DCUN1D4: variants seen among roughly 807,000 people sequenced by gnomAD.
DCUN1D4 encodes the protein DCN1-like protein 4.
Under a neutral mutation model 47.9 loss-of-function variants are expected in DCUN1D4, and 22 were observed. That is an observed-to-expected ratio of 0.46 (90% CI 0.33 to 0.66). The LOEUF (loss-of-function observed/expected upper bound fraction) is 0.66. DCUN1D4 is among the 30% of genes least tolerant of loss of function. The pLI, the probability that DCUN1D4 is intolerant of heterozygous loss-of-function variation, is 0.02. For synonymous variants in DCUN1D4, 121 were observed against 112.2 expected (o/e 1.08, Z -0.50); for missense variants, 301 against 340.8 (o/e 0.88, Z 0.92).
chr4:51,896,595 TA>T (rs1001571270), intron 7 of DCUN1D4, among the ~76,000 whole-genome samples: 1 of 151,996 alleles, frequency 6.6e-6, no homozygotes, highest in African/African-American at 2.4e-5. Flanking sequence ...TACACACCAT[TA>T]AAAAAATCTA....
intron 1 of DCUN1D4, among the ~76,000 whole-genome samples, chr4:51,862,549 C>A (rs1304931180): frequency 2.0e-5 from 3 of 152,090 alleles, no homozygotes; most frequent in African/African-American, 7.2e-5. Flanking sequence ...TGGAGAGTTA[C>A]AATATCTTTT....
At chr4:51,884,446 C>T (rs1729152479) in intron 5 of DCUN1D4, 2 of 152,188 alleles carry the variant, frequency 1.3e-5, no homozygotes, top group South Asian at 4.1e-4. Context: ...ATGTGTCTAA[C>T]AAATGTTATG....
Position 51,891,303 on chromosome 4 carries a change from G to C in DCUN1D4, c.415-457G>C, listed in dbSNP as rs114282472. ...TATATGGAATGTATTCGGCAAAGAA[G>C]TATTTAACCAGTCCCTTATTAATGG... On this transcript the variant is annotated intron_variant, in intron 6 of 10. Transcript: ENST00000334635. 5.3e-3 allele frequency among the ~76,000 whole-genome samples: 806 copies of C among 152,342 alleles called. 1 individual carries two copies. The highest frequency in any genetic ancestry group is 8.4e-3 in the Non-Finnish European group (570 of 68,026).
At chr4:51,843,809 G>GT (rs1423611000) in intron 1 of DCUN1D4, 1 of 106,618 alleles carries the variant, frequency 9.4e-6, no homozygotes, top group Admixed American at 8.9e-5. Context: ...GGGGGTGGGG[G>GT]GGGGGCGGCG....
rs1734257483 is a variant in DCUN1D4, at chr4:51,915,634, G to T, written c.*2050G>T. 6.6e-6 allele frequency: 1 copy of T among 152,522 alleles called. No individual in the cohort carries two copies. The highest frequency in any genetic ancestry group is 2.4e-5 in the African/African-American group (1 of 41,432). The allele number at this position is 152,522 out of a possible 1,614,324, so 9.4% of individuals were successfully genotyped here. On this transcript the variant is annotated 3_prime_UTR_variant, in exon 11 of 11. Coordinates refer to ENST00000334635, the MANE Select transcript of DCUN1D4 (RefSeq NM_001040402.3). ...TACAGTTCTTTAAATCTGATCAACT[G>T]TAGCTTTATTTAAAGCAAATATAAA...
chr4:51,852,834 CACTCAGTTGGG>C (rs1402934090), intron 1 of DCUN1D4, among the ~76,000 whole-genome samples: 1 of 152,170 alleles, frequency 6.6e-6, no homozygotes, highest in Non-Finnish European at 1.5e-5. Flanking sequence ...TGTACAGGGT[CACTCAGTTGGG>C]ACTCAGTTGG....
intron 4 of DCUN1D4, chr4:51,874,612 T>G (rs995784561): frequency 7.6e-6 from 3 of 393,816 alleles, no homozygotes; most frequent in Non-Finnish European, 1.4e-5. Flanking sequence ...AGTTTTATCT[T>G]AATCCATTGA....
intron 1 of DCUN1D4, chr4:51,844,423 C>T (rs1288902053): frequency 1.0e-6 from 1 of 981,332 alleles, no homozygotes; most frequent in Non-Finnish European, 1.2e-6. Context: ...CGGGCTCCGG[C>T]AGCGGGACTA....
In DCUN1D4 at chr4:51,896,037, T is replaced by C. The variant is rs137935215; in HGVS notation, c.507-3233T>C. Among the ~76,000 whole-genome samples, 849 of 152,250 alleles carry C rather than the reference T, an allele frequency of 5.6e-3. 6 individuals are homozygous for C. Among genetic ancestry groups the C allele is most frequent in the Non-Finnish European group, 8.2e-3 (555 of 68,002 alleles). ...GGACAGGGTGACTCAGCAGCCTGTT[T>C]CACTATTGGGGGCCAGTCCAGGGGC... is the stretch of plus-strand genomic sequence containing the variant. On this transcript the variant is annotated intron_variant, in intron 7 of 10. Coordinates refer to ENST00000334635, the MANE Select transcript of DCUN1D4 (RefSeq NM_001040402.3).
rs540241903 is a variant in DCUN1D4, at chr4:51,866,899, G to A, written c.136+3190G>A. Among the ~76,000 whole-genome samples the A allele has an allele frequency of 2.6e-5, 4 of 152,310 alleles. No individual in the cohort carries two copies. In the South Asian group the frequency reaches 8.3e-4, roughly 32 times the overall value. ...GTGGCTGGTGGCACCTTCTGCCTGA[G>A]TATTGCCTGTGTCTGCTGGGCTCCT... On this transcript the variant is annotated intron_variant, in intron 3 of 10. Transcript: ENST00000334635.
intron 3 of DCUN1D4, among the ~76,000 whole-genome samples, chr4:51,864,795 G>A (rs763085587): frequency 6.6e-6 from 1 of 152,158 alleles, no homozygotes. Flanking sequence ...TTTTGGAGGG[G>A]CACAAACTTT....
intron 3 of DCUN1D4, chr4:51,865,271 G>C: frequency 4.3e-6 from 1 of 234,300 alleles, no homozygotes. Flanking sequence ...AAAGTGTTTT[G>C]CAGCCAAGCC....
chr4:51,886,806 A>G, intron 6 of DCUN1D4, 168 bp downstream of exon 6: 1 of 605,348 alleles, frequency 1.7e-6, no homozygotes, highest in South Asian at 2.1e-5. Context: ...CAGATTCTCC[A>G]TTCTTGTAAG....
chr4:51,908,271 C>T (rs1733194445), intron 8 of DCUN1D4, among the ~76,000 whole-genome samples: 1 of 152,108 alleles, frequency 6.6e-6, no homozygotes, highest in South Asian at 2.1e-4. Flanking sequence ...ACACAAAATT[C>T]CGTTGCTTTT....
the DCUN1D4 span, among the ~76,000 whole-genome samples, chr4:51,834,073 TCTCTCTCTCTC>T: frequency 1.5e-3 from 216 of 143,834 alleles, 3 homozygotes; most frequent in Non-Finnish European, 2.2e-3. Context: ...TCTCTCTCTC[TCTCTCTCTCTC>T]TCTTTTCTTT....
rs771812493 is a variant in DCUN1D4, at chr4:51,913,607, GAGTCACTGTTACC to G, written c.*25_*37del. Reference sequence around the variant, plus strand: ...TAGGACTTTATGCATAGCAGCGAGAGAGTCACTGTTACCACAGTTTTGTCACCCATTAGCCATA... The same window carrying G: ...TAGGACTTTATGCATAGCAGCGAGAGACAGTTTTGTCACCCATTAGCCATA... On this transcript the variant is annotated 3_prime_UTR_variant, in exon 11 of 11. Coordinates refer to ENST00000334635, the MANE Select transcript of DCUN1D4 (RefSeq NM_001040402.3). 7 of 1,607,332 alleles carry G rather than the reference GAGTCACTGTTACC, an allele frequency of 4.4e-6. No homozygotes were observed. Among genetic ancestry groups the G allele is most frequent in the Admixed American group, 1.7e-5 (1 of 59,802 alleles).
chr4:51,843,120 G>A, upstream of DCUN1D4: 2 of 1,466,864 alleles, frequency 1.4e-6, no homozygotes, highest in South Asian at 2.7e-5. Context: ...AAGGCGAGAT[G>A]GGCGGGCTGG....
intron 5 of DCUN1D4, among the ~76,000 whole-genome samples, chr4:51,885,951 T>C (rs1055899708): frequency 6.6e-6 from 1 of 152,184 alleles, no homozygotes; most frequent in African/African-American, 2.4e-5. Flanking sequence ...TAGGGGCTTA[T>C]TGGAGACCTT....
intron 3 of DCUN1D4, among the ~76,000 whole-genome samples, chr4:51,868,704 G>A (rs2109941942): frequency 1.3e-5 from 2 of 152,280 alleles, no homozygotes; most frequent in East Asian, 1.9e-4. Context: ...GTATCTTCCT[G>A]CTCTGCCTCC....
Sources: gnomAD v4.1 joint callset for allele counts (sites outside exome capture counted in the v4.1 genomes callset) on GRCh38, gnomAD v4.1.1 for gene constraint, MANE v1.5 for transcripts, NCBI Gene and HGNC (gene_info 2026-07-23, HGNC 2026-07-21) for gene names.